Variants in ATRNL1 observed in about 807,000 individuals in gnomAD.
ATRNL1 encodes attractin like 1.
Under a neutral mutation model 182.7 loss-of-function variants are expected in ATRNL1, and 95 were observed. That is an observed-to-expected ratio of 0.52 (90% CI 0.44 to 0.62). ATRNL1 has a LOEUF of 0.62. Among genes scored for constraint, ATRNL1 ranks in the 20% least tolerant of loss-of-function variants. The pLI, the probability that ATRNL1 is intolerant of heterozygous loss-of-function variation, is 0.00. For synonymous variants in ATRNL1, 576 were observed against 568.3 expected (o/e 1.01, Z -0.19); for missense variants, 1,471 against 1,679.5 (o/e 0.88, Z 2.17).
chr10:115,113,740 C>T (rs1387252856), intron 1 of ATRNL1, among the ~76,000 whole-genome samples: 2 of 152,144 alleles, frequency 1.3e-5, no homozygotes, highest in Non-Finnish European at 2.9e-5. Context: ...ATTGCCCAGT[C>T]TCAGGTATGT....
intron 27 of ATRNL1, among the ~76,000 whole-genome samples, chr10:115,773,281 T>C (rs192496770): frequency 5.2e-4 from 79 of 152,322 alleles, no homozygotes; most frequent in African/African-American, 1.6e-3. Context: ...GATTTCTTCA[T>C]TGAGTTCATT....
intron 8 of ATRNL1, among the ~76,000 whole-genome samples, chr10:115,204,719 T>C (rs1194035530): frequency 6.6e-6 from 1 of 152,152 alleles, no homozygotes; most frequent in Non-Finnish European, 1.5e-5. Context: ...TCCTTCTATA[T>C]TTATCAGGAA....
intron 27 of ATRNL1, among the ~76,000 whole-genome samples, chr10:115,790,128 C>T (rs1234786335): frequency 6.6e-6 from 1 of 151,598 alleles, no homozygotes; most frequent in African/African-American, 2.4e-5. Flanking sequence ...TCATGTGTTT[C>T]CCAAATCAAT....
chr10:115,515,267 A>C (rs1158842611), intron 24 of ATRNL1, among the ~76,000 whole-genome samples: 2 of 149,736 alleles, frequency 1.3e-5, no homozygotes, highest in East Asian at 1.9e-4. Flanking sequence ...TTATGTTTTG[A>C]CATTTAAGGG....
At chr10:115,760,769 G>T (rs1207365411) in intron 27 of ATRNL1, among the ~76,000 whole-genome samples, 1 of 152,172 alleles carries the variant, frequency 6.6e-6, no homozygotes, top group African/African-American at 2.4e-5. Context: ...TGTTTGAAAG[G>T]TTATCAAGTA....
chr10:115,239,983 A>G (rs1554902465), intron 9 of ATRNL1, among the ~76,000 whole-genome samples: 1 of 152,052 alleles, frequency 6.6e-6, no homozygotes, highest in African/African-American at 2.4e-5. Context: ...TCTTGGCTTT[A>G]CTTGCCTGGG....
At chr10:115,336,176 CTAGT>C (rs1855472515) in intron 19 of ATRNL1, among the ~76,000 whole-genome samples, 1 of 152,128 alleles carries the variant, frequency 6.6e-6, no homozygotes, top group South Asian at 2.1e-4. Flanking sequence ...GATCATATTG[CTAGT>C]TAGAGTAAGA....
intron 18 of ATRNL1, among the ~76,000 whole-genome samples, chr10:115,333,152 T>C (rs2134070055): frequency 6.6e-6 from 1 of 152,320 alleles, no homozygotes; most frequent in East Asian, 1.9e-4. Flanking sequence ...AGTTAAATGC[T>C]AGTTGCTATC....
intron 4 of ATRNL1, 21 bp from the exon 5 acceptor site, chr10:115,129,306 T>A (rs782593274): frequency 6.3e-7 from 1 of 1,581,930 alleles, no homozygotes; most frequent in South Asian, 1.1e-5. Flanking sequence ...AATCTGAATA[T>A]ATATGAATTA....
At chr10:115,349,198 G>A (rs782751125) in intron 19 of ATRNL1, among the ~76,000 whole-genome samples, 2 of 152,088 alleles carry the variant, frequency 1.3e-5, no homozygotes, top group Non-Finnish European at 2.9e-5. Context: ...ACATATGAAT[G>A]AGAACATGAG....
At chr10:115,622,260 A>G (rs1857817708) in intron 26 of ATRNL1, among the ~76,000 whole-genome samples, 1 of 152,238 alleles carries the variant, frequency 6.6e-6, no homozygotes. Context: ...TAAAGACAAA[A>G]GGAAAAAGAA....
chr10:115,348,705 G>A (rs1481486430), intron 19 of ATRNL1, among the ~76,000 whole-genome samples: 3 of 152,140 alleles, frequency 2.0e-5, no homozygotes, highest in Non-Finnish European at 2.9e-5. Flanking sequence ...TATATACATT[G>A]TGTGGGTGCT....
At chr10:115,115,912 A>G (rs139018657) in intron 1 of ATRNL1, among the ~76,000 whole-genome samples, 104 of 152,242 alleles carry the variant, frequency 6.8e-4, no homozygotes, top group African/African-American at 2.3e-3. Context: ...TGCATTTATT[A>G]GTGGCCAACC....
At chr10:115,815,091 A>G (rs1950130673) in intron 27 of ATRNL1, among the ~76,000 whole-genome samples, 1 of 152,154 alleles carries the variant, frequency 6.6e-6, no homozygotes, top group South Asian at 2.1e-4. Flanking sequence ...TGGCTATTAA[A>G]CAAATAAACA....
intron 18 of ATRNL1, among the ~76,000 whole-genome samples, chr10:115,327,172 C>T (rs750155657): frequency 1.3e-4 from 19 of 151,372 alleles, no homozygotes; most frequent in South Asian, 2.1e-4. Context: ...AGAAAGTTTT[C>T]GCAACCTACT....
intron 27 of ATRNL1, among the ~76,000 whole-genome samples, chr10:115,796,903 A>G (rs1211866263): frequency 6.6e-6 from 1 of 152,212 alleles, no homozygotes; most frequent in Non-Finnish European, 1.5e-5. Flanking sequence ...TTTTATTCTT[A>G]ATTAGTATCA....
intron 26 of ATRNL1, among the ~76,000 whole-genome samples, chr10:115,697,874 A>G (rs1327314962): frequency 2.0e-5 from 3 of 152,112 alleles, no homozygotes; most frequent in Non-Finnish European, 4.4e-5. Flanking sequence ...TTCTGTTGTA[A>G]ATTAAAATAG....
intron 21 of ATRNL1, among the ~76,000 whole-genome samples, chr10:115,439,039 T>C (rs1351711318): frequency 1.3e-5 from 2 of 151,976 alleles, no homozygotes; most frequent in Non-Finnish European, 2.9e-5. Flanking sequence ...TTATATACAT[T>C]ATATATTGTA....
chr10:115,936,176 T>G (rs1203148016), intron 28 of ATRNL1, among the ~76,000 whole-genome samples: 1 of 152,254 alleles, frequency 6.6e-6, no homozygotes, highest in Non-Finnish European at 1.5e-5. Flanking sequence ...ATTTCCTATT[T>G]GACTTCAAGC....
Sources: gnomAD v4.1 joint callset for allele counts (sites outside exome capture counted in the v4.1 genomes callset) on GRCh38, gnomAD v4.1.1 for gene constraint, MANE v1.5 for transcripts, NCBI Gene and HGNC (gene_info 2026-07-23, HGNC 2026-07-21) for gene names.